The following NRXN3 variants were observed in gnomAD, a reference collection of about 807,000 sequenced individuals.
NRXN3 encodes neurexin III.
NRXN3 carries 32 observed loss-of-function variants against 137.6 expected under a neutral mutation model. The ratio of observed to expected loss-of-function variants is 0.23; its 90% CI spans 0.18 to 0.31. The LOEUF (loss-of-function observed/expected upper bound fraction) is 0.31, where lower values mean the gene tolerates loss of function less well. Ranked by LOEUF, NRXN3 falls within the 10% of genes least tolerant of loss-of-function variation. NRXN3 has a pLI of 1.00. For synonymous variants in NRXN3, 798 were observed against 784.5 expected, an observed-to-expected ratio of 1.02 and a Z score of -0.29; for missense variants, 1,574 against 2,062.5, an observed-to-expected ratio of 0.76 and a Z score of 4.59.
chr14:79,849,126 A>G (rs558688278), intron 20 of NRXN3, among the ~76,000 whole-genome samples: 5 of 152,162 alleles, frequency 3.3e-5, no homozygotes, highest in Non-Finnish European at 7.3e-5. Flanking sequence ...TGCTCCAGCT[A>G]CCCATGCTGT....
At chr14:79,757,599 C>T (rs904792022) in intron 19 of NRXN3, among the ~76,000 whole-genome samples, 2 of 152,132 alleles carry the variant, frequency 1.3e-5, no homozygotes, top group African/African-American at 4.8e-5. Context: ...TTCTGTGAAG[C>T]ATTTGGTGTC....
At chr14:79,421,121 C>A (rs140984030) in intron 15 of NRXN3, among the ~76,000 whole-genome samples, 1 of 152,234 alleles carries the variant, frequency 6.6e-6, no homozygotes, top group Admixed American at 6.5e-5. Flanking sequence ...AAGAGGTATA[C>A]ATTATATTTT....
intron 16 of NRXN3, among the ~76,000 whole-genome samples, chr14:79,581,844 T>C (rs556176778): frequency 6.6e-6 from 1 of 152,134 alleles, no homozygotes; most frequent in South Asian, 2.1e-4. Flanking sequence ...AACATAAACC[T>C]GTATTATATT....
chr14:78,665,740 A>T (rs2097879982), intron 6 of NRXN3, among the ~76,000 whole-genome samples: 1 of 152,202 alleles, frequency 6.6e-6, no homozygotes, highest in Non-Finnish European at 1.5e-5. Context: ...ACCTAAAGCA[A>T]GGAAAGCTTG....
At chr14:78,810,392 A>AAC (rs1555506426) in intron 10 of NRXN3, 48 bp downstream of exon 10, 26 of 1,128,202 alleles carry the variant, frequency 2.3e-5, no homozygotes, top group Middle Eastern at 2.1e-4. Context: ...AAAAAAAACA[A>AAC]AACTGACTTT....
chr14:78,701,796 C>G (rs1433579759), intron 6 of NRXN3, among the ~76,000 whole-genome samples: 2 of 152,198 alleles, frequency 1.3e-5, no homozygotes, highest in Non-Finnish European at 2.9e-5. Flanking sequence ...AGCTCTAGAA[C>G]TTGGACATTT....
chr14:79,169,209 T>C (rs1307607870), intron 15 of NRXN3, among the ~76,000 whole-genome samples: 1 of 152,090 alleles, frequency 6.6e-6, no homozygotes, highest in East Asian at 1.9e-4. Context: ...ACAGCCTGGA[T>C]CCTACTCACT....
intron 4 of NRXN3, among the ~76,000 whole-genome samples, chr14:78,519,215 T>C (rs758767015): frequency 1.4e-4 from 22 of 152,114 alleles, no homozygotes; most frequent in Non-Finnish European, 2.8e-4. Flanking sequence ...TTTGTAGTTA[T>C]TAGTAAACAT....
chr14:78,827,792 C>T (rs555960066), intron 10 of NRXN3, among the ~76,000 whole-genome samples: 6 of 152,336 alleles, frequency 3.9e-5, no homozygotes, highest in South Asian at 4.1e-4. Flanking sequence ...AAACAGTGTC[C>T]GAGGAAAATG....
At position 78,957,352 on chromosome 14, in the gene NRXN3, G is replaced by A. The variant is rs1423299094; in HGVS notation, c.2386G>A (p.Val796Met). The A allele has an allele frequency of 1.2e-6, 2 of 1,613,838 alleles. No homozygotes were observed. Among genetic ancestry groups the A allele is most frequent in the Admixed American group, 1.7e-5 (1 of 59,978 alleles). ...CCTTAAGTTAACCGTGGATGATGATGTGGCTGAGGGTGAGTATGACTATGG... is the reference window on the plus strand; with the variant it reads ...CCTTAAGTTAACCGTGGATGATGATATGGCTGAGGGTGAGTATGACTATGG... ...KSLKLTVDDDVAEGTMVGDHT... is the reference protein window; with the variant it reads ...KSLKLTVDDDMAEGTMVGDHT... The change falls in exon 11 of 21, where the codon GTG (valine) becomes ATG (methionine). Residue 796 changes from valine to methionine, a missense_variant. By Grantham distance (21) the Val-to-Met change is conservative. This residue lies in a region of NRXN3 where 718 missense variants were observed against 887.6 expected (regional missense o/e 0.81). Coordinates refer to ENST00000335750, the MANE Select transcript of NRXN3 (RefSeq NM_001330195.2).
At chr14:79,616,980 C>G (rs1386969216) in intron 16 of NRXN3, among the ~76,000 whole-genome samples, 1 of 152,090 alleles carries the variant, frequency 6.6e-6, no homozygotes, top group Admixed American at 6.5e-5. Context: ...GGAGAGAATC[C>G]TTAACCACCA....
intron 8 of NRXN3, among the ~76,000 whole-genome samples, chr14:78,739,466 A>G (rs1382648599): frequency 1.3e-5 from 2 of 151,678 alleles, no homozygotes; most frequent in Non-Finnish European, 2.9e-5. Flanking sequence ...TTCACAGACA[A>G]CTCTTTATAT....
intron 15 of NRXN3, among the ~76,000 whole-genome samples, chr14:79,053,617 G>A (rs1380586149): frequency 6.7e-5 from 6 of 89,560 alleles, no homozygotes; most frequent in African/African-American, 2.3e-4. Context: ...TATGTGTGCT[G>A]TATGCCGTGT....
chr14:79,710,792 T>C (rs1228697978), intron 19 of NRXN3, among the ~76,000 whole-genome samples: 1 of 152,190 alleles, frequency 6.6e-6, no homozygotes, highest in Non-Finnish European at 1.5e-5. Context: ...TCTTTTCTTA[T>C]GGAGAACATT....
chr14:78,176,680 T>C (rs2059301677), intron 1 of NRXN3, among the ~76,000 whole-genome samples: 1 of 152,200 alleles, frequency 6.6e-6, no homozygotes, highest in Non-Finnish European at 1.5e-5. Flanking sequence ...CCACGTTTGA[T>C]GCAGAGACAA....
At chr14:78,402,970 C>T (rs2092212669) in intron 4 of NRXN3, among the ~76,000 whole-genome samples, 1 of 152,138 alleles carries the variant, frequency 6.6e-6, no homozygotes, top group Non-Finnish European at 1.5e-5. Flanking sequence ...TATTTGTTGG[C>T]ATCATAAGAA....
chr14:79,450,076 T>A (rs2096140379), intron 15 of NRXN3, among the ~76,000 whole-genome samples: 1 of 150,920 alleles, frequency 6.6e-6, no homozygotes, highest in African/African-American at 2.4e-5. Flanking sequence ...ATACATATTC[T>A]CTTTCTCTCT....
intron 16 of NRXN3, among the ~76,000 whole-genome samples, chr14:79,537,939 C>G (rs1397861104): frequency 6.6e-6 from 1 of 152,186 alleles, no homozygotes. Flanking sequence ...TTCTCCACAT[C>G]CTCTCCAGCA....
intron 15 of NRXN3, among the ~76,000 whole-genome samples, chr14:79,258,239 C>A (rs1306520385): frequency 2.6e-5 from 4 of 152,024 alleles, no homozygotes; most frequent in Non-Finnish European, 5.9e-5. Context: ...GCTCTGTCAC[C>A]CAGGCTGGGA....
Sources: gnomAD v4.1 joint callset for allele counts (sites outside exome capture counted in the v4.1 genomes callset) on GRCh38, gnomAD v4.1.1 for gene constraint, gnomAD v4.1.1 regional missense constraint, MANE v1.5 for transcripts, NCBI Gene and HGNC (gene_info 2026-07-23, HGNC 2026-07-21) for gene names.